Variants in AKAP8 observed in about 807,000 individuals in gnomAD.
AKAP8 encodes the protein A-kinase anchoring protein 8.
In AKAP8, 24 loss-of-function variants were observed where a neutral mutation model predicts 67.5. The ratio of observed to expected loss-of-function variants is 0.36; its 90% CI spans 0.26 to 0.50. The LOEUF (loss-of-function observed/expected upper bound fraction) is 0.50, where lower values mean the gene tolerates loss of function less well. AKAP8 is among the 20% of genes least tolerant of loss of function. AKAP8 has a pLI of 0.97. For synonymous variants in AKAP8, 400 were observed against 371.1 expected, an observed-to-expected ratio of 1.08 and a Z score of -0.90; for missense variants, 971 against 955.9, an observed-to-expected ratio of 1.02 and a Z score of -0.21.
At chr19:15,361,039 C>T in intron 11 of AKAP8, 61 bp from the exon 12 acceptor site, 1 of 1,572,670 alleles carries the variant, frequency 6.4e-7, no homozygotes. Flanking sequence ...CCTCCTACTC[C>T]CCATCTGGGC....
chr19:15,364,157 C>T (rs1218237549), intron 9 of AKAP8, among the ~76,000 whole-genome samples: 10 of 85,956 alleles, frequency 1.2e-4, no homozygotes, highest in Admixed American at 1.4e-4. Context: ...TTTTTTCTTT[C>T]CTTTTTTTTT....
At chr19:15,360,552 A>G (rs965508464) in intron 12 of AKAP8, among the ~76,000 whole-genome samples, 1 of 152,172 alleles carries the variant, frequency 6.6e-6, no homozygotes. Flanking sequence ...TCAGCTTTCA[A>G]TGGCCCTTCG....
intron 9 of AKAP8, among the ~76,000 whole-genome samples, chr19:15,363,339 G>A (rs1379099861): frequency 1.0e-5 from 1 of 96,988 alleles, no homozygotes; most frequent in African/African-American, 4.4e-5. Flanking sequence ...CAGCCGCTCC[G>A]TCCGGGAGGG....
At chr19:15,359,719 TAAAAACAAAAAC>T (rs916666933) in intron 12 of AKAP8, among the ~76,000 whole-genome samples, 18 of 150,276 alleles carry the variant, frequency 1.2e-4, no homozygotes, top group African/African-American at 4.4e-4. Context: ...AAAATAAAAT[TAAAAACAAAAAC>T]AAAAACAAAA....
intron 13 of AKAP8, among the ~76,000 whole-genome samples, chr19:15,358,416 G>A (rs1429130589): frequency 6.6e-6 from 1 of 151,234 alleles, no homozygotes; most frequent in Non-Finnish European, 1.5e-5. Context: ...GTGTAGTGGC[G>A]CAATCGTTAA....
chr19:15,365,663 G>C (rs1167956948), intron 9 of AKAP8, among the ~76,000 whole-genome samples: 1 of 152,210 alleles, frequency 6.6e-6, no homozygotes, highest in Admixed American at 6.5e-5. Flanking sequence ...GGAAGCTACT[G>C]ATGAGCTGTG....
chr19:15,374,886 C>T (rs1187425465), intron 2 of AKAP8, among the ~76,000 whole-genome samples: 4 of 152,206 alleles, frequency 2.6e-5, no homozygotes, highest in African/African-American at 4.8e-5. Flanking sequence ...GGACGCCGCA[C>T]GCTCCCCAGG....
rs201834237 is a variant in AKAP8 at position 15,368,397 on chromosome 19, G to A, written c.1073-75C>T. The A allele has an allele frequency of 1.0e-5, 16 of 1,604,196 alleles. No homozygotes were observed. The South Asian group carries it at 1.4e-4, about 14-fold the overall frequency. The stretch of plus-strand genomic sequence containing the variant: ...CTGAGCTCCAGGGCCTGGTCGGGGG[G>A]CTGCAGCTTGGCCACCGCACCCTGT... On this transcript the variant is annotated intron_variant, in intron 8 of 13. Transcript: ENST00000269701.
chr19:15,356,962 CTCTTT>C (rs1184358708), intron 13 of AKAP8, among the ~76,000 whole-genome samples: 2 of 152,144 alleles, frequency 1.3e-5, no homozygotes, highest in African/African-American at 4.8e-5. Flanking sequence ...AACCCCATCT[CTCTTT>C]TCTTTTTTTG....
intron 9 of AKAP8, among the ~76,000 whole-genome samples, chr19:15,364,352 TATTTA>T (rs955269746): frequency 2.0e-4 from 31 of 151,580 alleles, no homozygotes; most frequent in African/African-American, 7.0e-4. Context: ...TATTTTATTT[TATTTA>T]TTTATTTTTT....
At chr19:15,376,187 T>A (rs1967249568) in intron 2 of AKAP8, among the ~76,000 whole-genome samples, 1 of 152,166 alleles carries the variant, frequency 6.6e-6, no homozygotes, top group African/African-American at 2.4e-5. Flanking sequence ...CCCAAAGTGC[T>A]GGGATTGCAG....
In AKAP8 at chr19:15,373,049, G is replaced by C. The variant is rs746176631; in HGVS notation, c.663C>G (p.Ser221=). 227 of 1,603,586 alleles carry C rather than the reference G, an allele frequency of 1.4e-4. No individual in the cohort carries two copies. The highest frequency in any genetic ancestry group is 1.8e-4 in the Non-Finnish European group (211 of 1,173,934). The change falls in exon 5 of 14, where the codon TCC becomes TCG. Residue 221 remains serine, a synonymous_variant. Coordinates refer to ENST00000269701, the MANE Select transcript of AKAP8 (RefSeq NM_005858.4). ...VPPAASSEPL[S]TPWNELNYVG... ...CGTAGTTCAGCTCGTTCCAGGGCGTGGACAGGGGCTCAGAGGACGCAGCGG... is the reference window on the plus strand; with the variant it reads ...CGTAGTTCAGCTCGTTCCAGGGCGTCGACAGGGGCTCAGAGGACGCAGCGG...
Position 15,368,377 on chromosome 19 carries a change from C to T in AKAP8, c.1073-55G>A, listed in dbSNP as rs1296584482. ...CTGAGTGGCCTGCAAAGGAGCTGAG[C>T]TCCAGGGCCTGGTCGGGGGGCTGCA... is the stretch of plus-strand genomic sequence containing the variant. On this transcript the variant is annotated intron_variant, in intron 8 of 13. Transcript: ENST00000269701. 2.5e-6 allele frequency: 4 copies of T among 1,610,572 alleles called. No individual in the cohort carries two copies. In the African/African-American group the frequency reaches 5.3e-5, roughly 21 times the overall value.
At chr19:15,373,483 C>G in intron 4 of AKAP8, 143 bp from the exon 5 acceptor site, 1 of 1,263,656 alleles carries the variant, frequency 7.9e-7, no homozygotes, top group Non-Finnish European at 1.1e-6. Context: ...ATGACCAAAA[C>G]TGACCAACAC....
intron 12 of AKAP8, among the ~76,000 whole-genome samples, chr19:15,360,498 G>A (rs1966947186): frequency 6.6e-6 from 1 of 152,200 alleles, no homozygotes; most frequent in Non-Finnish European, 1.5e-5. Flanking sequence ...CCAGCAGCTA[G>A]GTAAGGACAG....
chr19:15,377,877 C>T (rs1314348243), intron 1 of AKAP8, among the ~76,000 whole-genome samples: 1 of 152,186 alleles, frequency 6.6e-6, no homozygotes, highest in African/African-American at 2.4e-5. Context: ...ACACCCCCCG[C>T]CCACTATGGC....
At chr19:15,371,819 A>G in intron 7 of AKAP8, 133 bp downstream of exon 7, 1 of 997,676 alleles carries the variant, frequency 1.0e-6, no homozygotes, top group Non-Finnish European at 1.5e-6. Context: ...TCTAGCTAAA[A>G]GTCAGGGTCC....
At chr19:15,367,035 G>A (rs547592075) in intron 9 of AKAP8, among the ~76,000 whole-genome samples, 1 of 152,276 alleles carries the variant, frequency 6.6e-6, no homozygotes, top group Non-Finnish European at 1.5e-5. Context: ...AGCCTCCCGA[G>A]TAGCTGAGAT....
intron 5 of AKAP8, 96 bp from the exon 6 acceptor site, chr19:15,372,443 G>T: frequency 6.7e-7 from 1 of 1,486,472 alleles, no homozygotes; most frequent in Non-Finnish European, 9.2e-7. Context: ...GACAACACAG[G>T]CACAAAAGGT....
Sources: allele counts gnomAD v4.1 joint callset (sites outside exome capture counted in the v4.1 genomes callset), GRCh38; gene constraint gnomAD v4.1.1; transcripts MANE v1.5; gene names NCBI Gene and HGNC (gene_info 2026-07-23, HGNC 2026-07-21).